FILIP1L: variants seen among roughly 807,000 people sequenced by gnomAD.
The protein encoded by FILIP1L is filamin A-interacting protein 1-like.
FILIP1L carries 55 observed loss-of-function variants against 96.6 expected under a neutral mutation model. The ratio of observed to expected loss-of-function variants is 0.57; its 90% CI spans 0.46 to 0.71. The LOEUF (loss-of-function observed/expected upper bound fraction) is 0.71, where lower values mean the gene tolerates loss of function less well. Ranked by LOEUF, FILIP1L falls within the 30% of genes least tolerant of loss-of-function variation. The probability of loss-of-function intolerance (pLI) is 0.00; values close to 1 mark genes in which losing one functional copy is unlikely to be tolerated. For synonymous variants in FILIP1L, 467 were observed against 473.9 expected, an observed-to-expected ratio of 0.99 and a Z score of 0.19; for missense variants, 1,304 against 1,321.2, an observed-to-expected ratio of 0.99 and a Z score of 0.20.
At position 99,976,678 on chromosome 3, in the gene FILIP1L, T is replaced by C. The variant is rs7428828; in HGVS notation, c.-10-45648A>G. On this transcript the variant is annotated intron_variant, in intron 1 of 5. Coordinates refer to ENST00000477258, the MANE Select transcript of FILIP1L (RefSeq NM_001387850.1). ...GTTTACCTTCAAGATTTATTCTTTA[T>C]TTTTAGTTTTCAGTAGTTTCAATAT... 5.0e-3 allele frequency among the ~76,000 whole-genome samples: 756 copies of C among 152,368 alleles called. 5 individuals carry two copies. The highest frequency in any genetic ancestry group is 0.017 in the African/African-American group (711 of 41,580).
intron 1 of FILIP1L, among the ~76,000 whole-genome samples, chr3:100,014,694 A>ATTG (rs1199866333): frequency 6.6e-6 from 1 of 151,240 alleles, no homozygotes; most frequent in African/African-American, 2.4e-5. Context: ...TTTTCTTGCT[A>ATTG]TTGAGTTCTT....
At chr3:99,874,352 C>G (rs1576538374) in intron 4 of FILIP1L, 1 of 152,116 alleles carries the variant, frequency 6.6e-6, no homozygotes, top group East Asian at 1.9e-4. Context: ...AGCAGAATAT[C>G]TTTTTTCCAG....
chr3:99,881,392 C>T (rs73136665), intron 4 of FILIP1L, among the ~76,000 whole-genome samples: 25 of 151,990 alleles, frequency 1.6e-4, no homozygotes, highest in African/African-American at 6.0e-4. Context: ...TGAAAAAAAA[C>T]CCCCAAATCA....
At chr3:99,928,248 C>A (rs1488851700) in intron 3 of FILIP1L, among the ~76,000 whole-genome samples, 1 of 152,170 alleles carries the variant, frequency 6.6e-6, no homozygotes, top group African/African-American at 2.4e-5. Flanking sequence ...CGGGGCATTC[C>A]CCTCTCACCT....
chr3:99,872,581 C>A (rs1320908859), intron 4 of FILIP1L, among the ~76,000 whole-genome samples: 1 of 152,038 alleles, frequency 6.6e-6, no homozygotes, highest in Non-Finnish European at 1.5e-5. Context: ...TGCCTGCCCC[C>A]ACAAACACAT....
At chr3:99,947,974 G>A (rs998213610) in intron 1 of FILIP1L, among the ~76,000 whole-genome samples, 6 of 152,202 alleles carry the variant, frequency 3.9e-5, no homozygotes, top group Non-Finnish European at 7.3e-5. Flanking sequence ...AATCAGACCT[G>A]TAGAGCATAT....
chr3:99,841,891 G>A (rs922998018), intron 5 of FILIP1L, among the ~76,000 whole-genome samples: 1 of 152,184 alleles, frequency 6.6e-6, no homozygotes, highest in Non-Finnish European at 1.5e-5. Flanking sequence ...TGGTGAGAAT[G>A]TAAACTAGTA....
At chr3:100,018,757 CAG>C (rs1710418221) in intron 1 of FILIP1L, among the ~76,000 whole-genome samples, 1 of 140,658 alleles carries the variant, frequency 7.1e-6, no homozygotes, top group Non-Finnish European at 1.5e-5. Context: ...AAAAAATCAA[CAG>C]AGTGAAAAGG....
chr3:99,977,781 C>G (rs1039334791), intron 1 of FILIP1L, among the ~76,000 whole-genome samples: 1 of 152,156 alleles, frequency 6.6e-6, no homozygotes, highest in Non-Finnish European at 1.5e-5. Flanking sequence ...CCTTCATAAA[C>G]TAGTTAACTT....
chr3:99,950,278 A>T (rs1409096850), intron 1 of FILIP1L, among the ~76,000 whole-genome samples: 1 of 152,212 alleles, frequency 6.6e-6, no homozygotes, highest in African/African-American at 2.4e-5. Context: ...GAAAAGGATG[A>T]TAGTTATACC....
intron 1 of FILIP1L, chr3:99,964,518 G>C (rs182953909): frequency 6.6e-6 from 1 of 152,436 alleles, no homozygotes; most frequent in East Asian, 2.0e-4. Context: ...TAGTGAGAAA[G>C]CCTGTGCCAA....
chr3:100,062,048 A>G (rs971271507), intron 1 of FILIP1L, among the ~76,000 whole-genome samples: 1 of 147,022 alleles, frequency 6.8e-6, no homozygotes, highest in African/African-American at 2.5e-5. Context: ...CCCTAGTAAT[A>G]CTTAGAGATC....
chr3:99,830,743 G>A (rs961507277), intron 5 of FILIP1L, 138 bp from the exon 6 acceptor site: 21 of 379,596 alleles, frequency 5.5e-5, no homozygotes, highest in East Asian at 5.1e-4. Context: ...ATCAAAGATC[G>A]TCAGGTTGAA....
intron 1 of FILIP1L, among the ~76,000 whole-genome samples, chr3:100,005,846 C>G (rs1709970856): frequency 6.6e-6 from 1 of 152,170 alleles, no homozygotes; most frequent in Non-Finnish European, 1.5e-5. Context: ...TTGGAAGAAG[C>G]TTTCTTTGGC....
At chr3:99,891,692 T>C (rs1209794512) in intron 4 of FILIP1L, among the ~76,000 whole-genome samples, 5 of 152,188 alleles carry the variant, frequency 3.3e-5, no homozygotes, top group Admixed American at 3.3e-4. Flanking sequence ...CTGAAAACTA[T>C]GTCTAAAAGG....
chr3:99,862,699 T>G (rs1341447750), intron 4 of FILIP1L, among the ~76,000 whole-genome samples: 1 of 152,192 alleles, frequency 6.6e-6, no homozygotes, highest in Non-Finnish European at 1.5e-5. Flanking sequence ...AAGTCACTGT[T>G]TTAGGGCATA....
chr3:99,986,006 G>A (rs1446824860), intron 1 of FILIP1L, among the ~76,000 whole-genome samples: 2 of 152,194 alleles, frequency 1.3e-5, no homozygotes, highest in African/African-American at 4.8e-5. Context: ...AGGACTTAAT[G>A]AGATACAGTT....
chr3:100,011,849 C>G (rs1710166202), intron 1 of FILIP1L: 1 of 152,138 alleles, frequency 6.6e-6, no homozygotes, highest in Admixed American at 6.5e-5. Flanking sequence ...TAAATAGATA[C>G]TCATATCAGA....
At chr3:100,053,870 G>A (rs1049354501) in intron 1 of FILIP1L, among the ~76,000 whole-genome samples, 1 of 152,148 alleles carries the variant, frequency 6.6e-6, no homozygotes, top group East Asian at 1.9e-4. Context: ...GCCAGATTTT[G>A]TTCTCCATTA....
Sources: allele counts gnomAD v4.1 joint callset (sites outside exome capture counted in the v4.1 genomes callset), GRCh38; gene constraint gnomAD v4.1.1; transcripts MANE v1.5; gene names NCBI Gene and HGNC (gene_info 2026-07-23, HGNC 2026-07-21).